DCHS2: variants seen among roughly 807,000 people sequenced by gnomAD.
DCHS2 encodes protocadherin-23.
DCHS2 carries 142 observed loss-of-function variants against 182.4 expected under a neutral mutation model. The observed-to-expected ratio is 0.78, with a 90% CI of 0.68 to 0.89. The LOEUF (loss-of-function observed/expected upper bound fraction) is 0.89, where lower values mean the gene tolerates loss of function less well. DCHS2 is among the 40% of genes least tolerant of loss of function. The probability of loss-of-function intolerance (pLI) is 0.00; values close to 1 mark genes in which losing one functional copy is unlikely to be tolerated. For synonymous variants in DCHS2, 1,740 were observed against 1,663.3 expected, an observed-to-expected ratio of 1.05 and a Z score of -1.12; for missense variants, 4,319 against 4,198.6, an observed-to-expected ratio of 1.03 and a Z score of -0.79.
intron 1 of DCHS2, among the ~76,000 whole-genome samples, chr4:154,434,276 G>A (rs576703037): frequency 9.9e-5 from 15 of 152,198 alleles, no homozygotes; most frequent in Non-Finnish European, 1.6e-4. Context: ...TAAAAATATA[G>A]CCAAGCATGG....
In DCHS2 at chr4:154,490,027, G is replaced by C. The variant is rs1728741797; in HGVS notation, c.1329C>G (p.Asp443Glu). The C allele has an allele frequency of 3.2e-6, 5 of 1,547,798 alleles. No homozygotes were observed. Among genetic ancestry groups the C allele is most frequent in the Non-Finnish European group, 3.5e-6 (4 of 1,146,930 alleles). ...CTTCCTTCTCCCAGTCACCGTCCGC[G>C]TCAGACACCGAGACGCGAGCCACGT... Reference protein sequence around the residue: ...GDYVARVSVSDADGDWEKEDE... With the variant: ...GDYVARVSVSEADGDWEKEDE... Residue 443 changes from aspartate (D) to glutamate (E), a missense_variant, in exon 1 of 20, where the codon GAC becomes GAG. Transcript: ENST00000357232.
At chr4:154,465,288 G>A (rs1201197754) in intron 1 of DCHS2, among the ~76,000 whole-genome samples, 1 of 152,100 alleles carries the variant, frequency 6.6e-6, no homozygotes, top group South Asian at 2.1e-4. Flanking sequence ...CACTGTGTGG[G>A]TTCACCATAG....
rs527877793 is a variant in DCHS2, at chr4:154,491,722, T to C, written c.-367A>G. ...GTAAAGTCAGGTGCATTATTTCTTTTGCCAAAAAGGAGGAGATTATATGAA... is the reference window on the plus strand; with the variant it reads ...GTAAAGTCAGGTGCATTATTTCTTTCGCCAAAAAGGAGGAGATTATATGAA... On this transcript the variant is annotated 5_prime_UTR_variant, in exon 1 of 20. Transcript: ENST00000357232. 9.4e-5 allele frequency: 99 copies of C among 1,055,758 alleles called. No individual in the cohort carries two copies. The East Asian group carries it at 7.0e-3, about 75-fold the overall frequency. The allele number at this position is 1,055,758 out of a possible 1,614,324, so 65.4% of individuals were successfully genotyped here.
At chr4:154,358,445 C>G (rs747941960) in intron 3 of DCHS2, among the ~76,000 whole-genome samples, 7 of 152,252 alleles carry the variant, frequency 4.6e-5, no homozygotes, top group Non-Finnish European at 1.0e-4. Flanking sequence ...AATACAGGCA[C>G]CTTCATGAGA....
At chr4:154,328,026 G>C (rs1447468489) in intron 7 of DCHS2, 67 bp downstream of exon 7, 1 of 1,136,682 alleles carries the variant, frequency 8.8e-7, no homozygotes, top group African/African-American at 1.6e-5. Flanking sequence ...TTCCCAGAAG[G>C]GGATAGTTGA....
intron 1 of DCHS2, among the ~76,000 whole-genome samples, chr4:154,454,118 T>G (rs1734657089): frequency 8.8e-6 from 1 of 113,490 alleles, no homozygotes; most frequent in South Asian, 3.3e-4. Flanking sequence ...AAATAGCATT[T>G]ATACACACAT....
At position 154,320,705 on chromosome 4, in the gene DCHS2, G is replaced by A; in HGVS notation, c.4694C>T (p.Ser1565Leu). 6.2e-7 allele frequency: 1 copy of A among 1,614,092 alleles called. No individual in the cohort carries two copies. The highest frequency in any genetic ancestry group is 8.5e-7 in the Non-Finnish European group (1 of 1,180,022). ...PGTNPFLIHP[S>L]FGTLVTVSRL... ...GGACACAGTGACTAGTGTGCCAAAT[G>A]AGGGGTGGATGAGAAATGGATTCGT... Residue 1565 changes from serine to leucine, a missense_variant, in exon 9 of 20, where the codon TCA (serine) becomes TTA (leucine). Coordinates refer to ENST00000357232, the MANE Select transcript of DCHS2 (RefSeq NM_001358235.2).
chr4:154,420,379 C>T (rs1041083566), intron 1 of DCHS2, among the ~76,000 whole-genome samples: 18 of 151,920 alleles, frequency 1.2e-4, no homozygotes, highest in African/African-American at 4.1e-4. Context: ...GTTATAGAAG[C>T]CAAGAAGTTC....
At chr4:154,351,472 G>A (rs1051040598) in intron 3 of DCHS2, among the ~76,000 whole-genome samples, 2 of 152,122 alleles carry the variant, frequency 1.3e-5, no homozygotes, top group Non-Finnish European at 2.9e-5. Context: ...GATGATATAG[G>A]TTTAGCAGAT....
In DCHS2 at chr4:154,490,552, T is replaced by A. The variant is rs1728782240; in HGVS notation, c.804A>T (p.Ala268=). ...EAAAHRLQIE[A]WDGGRPRRTG... ...TGCGCCGGGGTCGGCCGCCGTCCCA[T>A]GCCTCGATCTGCAGCCGGTGCGCCG... Residue 268 remains alanine (A), a synonymous_variant, in exon 1 of 20, where the codon GCA becomes GCT. Coordinates refer to ENST00000357232, the MANE Select transcript of DCHS2 (RefSeq NM_001358235.2). 2 of 1,540,968 alleles carry A rather than the reference T, an allele frequency of 1.3e-6. No homozygotes were observed. The highest frequency in any genetic ancestry group is 2.7e-5 in the African/African-American group (2 of 73,110).
intron 3 of DCHS2, among the ~76,000 whole-genome samples, chr4:154,350,533 G>A (rs1729560604): frequency 6.6e-6 from 1 of 151,998 alleles, no homozygotes; most frequent in South Asian, 2.1e-4. Flanking sequence ...CAGAATCAAG[G>A]CCTTGGCTTA....
rs377405374 is a variant in DCHS2 at position 154,344,762 on chromosome 4, G to A, written c.2477-9658C>T. On this transcript the variant is annotated intron_variant, in intron 3 of 19. Transcript: ENST00000357232. The stretch of plus-strand genomic sequence containing the variant: ...CCGCAGGGCTAGCGTCCACAGTTCC[G>A]AGGCATCCCTGTGCAGCTGAGACTC... 2.6e-4 allele frequency among the ~76,000 whole-genome samples: 39 copies of A among 152,274 alleles called. 1 individual carries two copies. The East Asian group carries it at 3.9e-3, about 15-fold the overall frequency.
At chr4:154,322,273 A>C (rs1349975586) in intron 8 of DCHS2, 58 bp downstream of exon 8, 2 of 1,605,784 alleles carry the variant, frequency 1.2e-6, no homozygotes, top group Non-Finnish European at 1.7e-6. Context: ...ATAAACTTGT[A>C]ATGAAAGTCA....
intron 16 of DCHS2, among the ~76,000 whole-genome samples, chr4:154,252,582 G>A (rs914812421): frequency 2.1e-4 from 32 of 151,378 alleles, no homozygotes; most frequent in African/African-American, 7.7e-4. Flanking sequence ...GTGAGAACAT[G>A]TGATGTTTGT....
chr4:154,356,731 G>T (rs1161448895), intron 3 of DCHS2, among the ~76,000 whole-genome samples: 1 of 152,090 alleles, frequency 6.6e-6, no homozygotes, highest in Non-Finnish European at 1.5e-5. Flanking sequence ...ATACCATATA[G>T]CCTAGGTGTG....
intron 13 of DCHS2, among the ~76,000 whole-genome samples, chr4:154,274,250 G>T (rs1393849538): frequency 6.6e-6 from 1 of 152,134 alleles, no homozygotes; most frequent in Non-Finnish European, 1.5e-5. Context: ...ATTTCTAAGT[G>T]TTGGAAAATA....
At chr4:154,427,120 T>C (rs1351426353) in intron 1 of DCHS2, among the ~76,000 whole-genome samples, 1 of 152,210 alleles carries the variant, frequency 6.6e-6, no homozygotes, top group Non-Finnish European at 1.5e-5. Context: ...TATGGAAACA[T>C]CATAAGTACC....
intron 10 of DCHS2, among the ~76,000 whole-genome samples, chr4:154,313,808 T>C (rs1378554435): frequency 6.6e-6 from 1 of 152,234 alleles, no homozygotes; most frequent in African/African-American, 2.4e-5. Context: ...CTCATGAAGA[T>C]GTTAATGTGT....
intron 1 of DCHS2, among the ~76,000 whole-genome samples, chr4:154,438,301 A>C (rs1257635721): frequency 1.3e-5 from 2 of 152,214 alleles, no homozygotes; most frequent in Admixed American, 1.3e-4. Context: ...AATCTCTAGT[A>C]GGACAATGGC....
Sources: allele counts gnomAD v4.1 joint callset (sites outside exome capture counted in the v4.1 genomes callset), GRCh38; gene constraint gnomAD v4.1.1; transcripts MANE v1.5; gene names NCBI Gene and HGNC (gene_info 2026-07-23, HGNC 2026-07-21).